The following PTTG1IP2 variants were observed in gnomAD, a reference collection of about 807,000 sequenced individuals.
PTTG1IP2 encodes the protein PTTG1IP family member 2.
In PTTG1IP2 at chr7:90,476,259, C is replaced by A. The variant is rs1179636551; in HGVS notation, c.146-2969C>A. 1.1e-4 allele frequency among the ~76,000 whole-genome samples: 16 copies of A among 152,214 alleles called. No individual in the cohort carries two copies. In the East Asian group the frequency reaches 3.1e-3, roughly 29 times the overall value. ...TAATTCAACAGCAATTTAAATATGT[C>A]AAATAATCATTAATAACTTTAATAG... On this transcript the variant is annotated intron_variant, in intron 1 of 6. Transcript: ENST00000509356.
At position 90,477,934 on chromosome 7, in the gene PTTG1IP2, GAA is replaced by G. The variant is rs950094118; in HGVS notation, c.146-1291_146-1290del. On this transcript the variant is annotated intron_variant, in intron 1 of 6. Coordinates refer to ENST00000509356, the MANE Select transcript of PTTG1IP2 (RefSeq NM_001365443.2). ...AACATGGTGAAACCCCATCTCTACT[GAA>G]AATACAAAAAATTAGCCGGGCGTGG... is the stretch of plus-strand genomic sequence containing the variant. Among the ~76,000 whole-genome samples, 258 of 151,354 alleles carry G rather than the reference GAA, an allele frequency of 1.7e-3. 2 individuals carry two copies. Among genetic ancestry groups the G allele is most frequent in the African/African-American group, 5.8e-3 (241 of 41,292 alleles).
chr7:90,486,467 C>CTTTTTTTTTTTTTTTTTTTTTTTT (rs532687452), intron 2 of PTTG1IP2, among the ~76,000 whole-genome samples: 2 of 119,222 alleles, frequency 1.7e-5, no homozygotes, highest in Non-Finnish European at 1.7e-5. Context: ...CTTTGTCTTC[C>CTTTTTTTTTTTTTTTTTTTTTTTT]TTTTTTTTTT....
intron 6 of PTTG1IP2, among the ~76,000 whole-genome samples, chr7:90,497,545 C>G (rs1175523470): frequency 2.6e-4 from 30 of 117,400 alleles, no homozygotes; most frequent in African/African-American, 9.5e-4. Context: ...GCCTGGGCGA[C>G]AGAGCGAGAA....
At chr7:90,470,994 A>G (rs1393656928) in intron 1 of PTTG1IP2, among the ~76,000 whole-genome samples, 3 of 152,066 alleles carry the variant, frequency 2.0e-5, no homozygotes, top group Non-Finnish European at 4.4e-5. Flanking sequence ...AAAAGAAAGA[A>G]AACAAATAAA....
intron 6 of PTTG1IP2, among the ~76,000 whole-genome samples, chr7:90,504,613 T>C (rs17867259): frequency 0.052 from 7,944 of 152,200 alleles, 504 homozygotes; most frequent in East Asian, 0.16. Context: ...CAGATTTGGT[T>C]TGGGAGTCAT....
chr7:90,504,926 G>A (rs1415670643), intron 6 of PTTG1IP2, among the ~76,000 whole-genome samples: 1 of 152,126 alleles, frequency 6.6e-6, no homozygotes, highest in Admixed American at 6.6e-5. Context: ...TTGTTTGGTA[G>A]AAACAACGAT....
intron 1 of PTTG1IP2, among the ~76,000 whole-genome samples, chr7:90,473,161 C>G (rs1562982784): frequency 6.6e-6 from 1 of 152,158 alleles, no homozygotes; most frequent in African/African-American, 2.4e-5. Context: ...GTCATAATCC[C>G]TTGGACATAA....
intron 6 of PTTG1IP2, among the ~76,000 whole-genome samples, chr7:90,508,622 C>T (rs1798152502): frequency 1.3e-5 from 2 of 152,228 alleles, no homozygotes; most frequent in African/African-American, 2.4e-5. Context: ...ACAGCTGACA[C>T]TTTTTGGGCA....
chr7:90,477,777 G>A (rs1797766014), intron 1 of PTTG1IP2, among the ~76,000 whole-genome samples: 2 of 152,040 alleles, frequency 1.3e-5, no homozygotes, highest in African/African-American at 4.8e-5. Context: ...TCTTGGTTTC[G>A]ATTAATGTAC....
chr7:90,504,837 G>A (rs990475298), intron 6 of PTTG1IP2, among the ~76,000 whole-genome samples: 3 of 152,206 alleles, frequency 2.0e-5, no homozygotes, highest in African/African-American at 7.2e-5. Context: ...GTGCACAACA[G>A]TCTTCCTTTT....
At chr7:90,504,151 C>T (rs1467126265) in intron 6 of PTTG1IP2, among the ~76,000 whole-genome samples, 2 of 151,906 alleles carry the variant, frequency 1.3e-5, no homozygotes, top group Admixed American at 1.3e-4. Flanking sequence ...CCTATTTGTA[C>T]TAAAAATACA....
At chr7:90,478,096 CAA>C (rs370035849) in intron 1 of PTTG1IP2, among the ~76,000 whole-genome samples, 6 of 68,050 alleles carry the variant, frequency 8.8e-5, no homozygotes, top group African/African-American at 1.0e-4. Flanking sequence ...GACTCCGTCT[CAA>C]AAAAAAAAAA....
At chr7:90,475,468 A>G (rs17863122) in intron 1 of PTTG1IP2, among the ~76,000 whole-genome samples, 60,281 of 152,060 alleles carry the variant, frequency 0.4, 12,981 homozygotes, top group Non-Finnish European at 0.5. Context: ...AATTAAAAAT[A>G]TAATCAACAC....
At chr7:90,500,637 C>T (rs1733231684) in intron 6 of PTTG1IP2, among the ~76,000 whole-genome samples, 1 of 152,138 alleles carries the variant, frequency 6.6e-6, no homozygotes, top group African/African-American at 2.4e-5. Flanking sequence ...CAAGGGAGGC[C>T]TCAGTCAATC....
At chr7:90,503,347 T>C (rs1798083327) in intron 6 of PTTG1IP2, among the ~76,000 whole-genome samples, 1 of 152,230 alleles carries the variant, frequency 6.6e-6, no homozygotes, top group Non-Finnish European at 1.5e-5. Context: ...AATAAGGCTA[T>C]TTTGCTCTTT....
intron 6 of PTTG1IP2, among the ~76,000 whole-genome samples, chr7:90,502,920 C>T (rs981443849): frequency 1.3e-5 from 2 of 152,188 alleles, no homozygotes; most frequent in African/African-American, 4.8e-5. Flanking sequence ...GAAAATCAGC[C>T]TGTCCTTTTG....
In PTTG1IP2 at chr7:90,479,275, G is replaced by A. The variant is rs913248305; in HGVS notation, c.192+1G>A. ...TCAATTGTGCACAGAAGATAAGAAA[G>A]TAAGTTAACTTTCTTATGAGGAAGT... On this transcript the variant is annotated splice_donor_variant, in intron 2 of 6. Coordinates refer to ENST00000509356, the MANE Select transcript of PTTG1IP2 (RefSeq NM_001365443.2). LOFTEE classifies it high-confidence loss of function. 6.6e-6 allele frequency: 1 copy of A among 152,524 alleles called. No individual in the cohort carries two copies. Among genetic ancestry groups the A allele is most frequent in the Admixed American group, 6.5e-5 (1 of 15,268 alleles). 9.4% of individuals were successfully genotyped at this position (152,524 alleles called of 1,614,324 possible).
intron 6 of PTTG1IP2, among the ~76,000 whole-genome samples, chr7:90,499,123 A>G (rs1232629125): frequency 6.6e-6 from 1 of 152,212 alleles, no homozygotes; most frequent in African/African-American, 2.4e-5. Context: ...AAGTGCTGGA[A>G]TTACAGGCAT....
chr7:90,505,749 C>A (rs569038084), intron 6 of PTTG1IP2, among the ~76,000 whole-genome samples: 101 of 152,082 alleles, frequency 6.6e-4, no homozygotes, highest in African/African-American at 2.4e-3. Flanking sequence ...CTTTGGGAGG[C>A]CGAGGCGGGT....
Sources: allele counts gnomAD v4.1 joint callset (sites outside exome capture counted in the v4.1 genomes callset), GRCh38; gene constraint gnomAD v4.1.1; transcripts MANE v1.5; gene names NCBI Gene and HGNC (gene_info 2026-07-23, HGNC 2026-07-21).